The following PTPRM variants were observed in gnomAD, a reference collection of about 807,000 sequenced individuals.
The protein encoded by PTPRM is protein tyrosine phosphatase receptor type M, also known as receptor-type tyrosine-protein phosphatase mu.
A neutral mutation model predicts 186.7 loss-of-function variants in PTPRM; 47 were observed. The observed-to-expected ratio is 0.25, with a 90% CI of 0.20 to 0.32. The LOEUF (loss-of-function observed/expected upper bound fraction) is 0.32, where lower values mean the gene tolerates loss of function less well. PTPRM is among the 10% of genes least tolerant of loss of function. PTPRM has a pLI of 1.00. For missense variants in PTPRM, 1,494 were observed against 1,865.0 expected (o/e 0.80, Z 3.66); for synonymous variants, 668 against 674.9 (o/e 0.99, Z 0.16).
chr18:7,678,485 C>G (rs1392791439), intron 1 of PTPRM, among the ~76,000 whole-genome samples: 1 of 152,086 alleles, frequency 6.6e-6, no homozygotes, highest in Non-Finnish European at 1.5e-5. Context: ...CATTTTGTAC[C>G]CTTGCCTGGA....
chr18:7,750,493 G>A (rs927947042), intron 1 of PTPRM, among the ~76,000 whole-genome samples: 2 of 152,096 alleles, frequency 1.3e-5, no homozygotes, highest in South Asian at 2.1e-4. Flanking sequence ...AACATTCCTC[G>A]TATCAGTCTT....
chr18:7,614,059 T>A (rs367568725), intron 1 of PTPRM, among the ~76,000 whole-genome samples: 2 of 152,340 alleles, frequency 1.3e-5, no homozygotes, highest in South Asian at 2.1e-4. Context: ...GGTGCATACA[T>A]CACAGATAGG....
chr18:7,933,754 C>T (rs192894730), intron 5 of PTPRM, among the ~76,000 whole-genome samples: 92 of 152,300 alleles, frequency 6.0e-4, no homozygotes, highest in Non-Finnish European at 1.0e-3. Flanking sequence ...TCGTTTCTCT[C>T]TGGGATGATT....
intron 11 of PTPRM, among the ~76,000 whole-genome samples, chr18:8,098,086 C>T (rs2091099338): frequency 6.6e-6 from 1 of 152,134 alleles, no homozygotes; most frequent in South Asian, 2.1e-4. Context: ...TAGGCTCTAC[C>T]ATACAGCCTA....
chr18:8,245,771 G>T (rs1034490795), intron 15 of PTPRM, among the ~76,000 whole-genome samples: 3 of 152,096 alleles, frequency 2.0e-5, no homozygotes, highest in African/African-American at 4.8e-5. Context: ...AATTCCTCAA[G>T]AATCAATTTA....
intron 11 of PTPRM, 113 bp downstream of exon 11, chr18:8,088,964 T>A: frequency 1.3e-6 from 1 of 791,890 alleles, no homozygotes; most frequent in Non-Finnish European, 2.1e-6. Context: ...AGCATGTAAA[T>A]CCATATGTTT....
At chr18:8,367,950 G>T (rs796651158) in intron 23 of PTPRM, among the ~76,000 whole-genome samples, 15 of 152,090 alleles carry the variant, frequency 9.9e-5, no homozygotes, top group African/African-American at 3.6e-4. Context: ...ATCTTGATAA[G>T]GTGTTTTTAT....
At chr18:8,056,929 G>A (rs188358524) in intron 7 of PTPRM, among the ~76,000 whole-genome samples, 26 of 152,126 alleles carry the variant, frequency 1.7e-4, no homozygotes, top group Admixed American at 1.4e-3. Flanking sequence ...AGCACTGCTT[G>A]TAGTAGAGAA....
At chr18:8,036,928 G>A (rs368191726) in intron 7 of PTPRM, among the ~76,000 whole-genome samples, 20 of 152,242 alleles carry the variant, frequency 1.3e-4, no homozygotes, top group African/African-American at 4.6e-4. Flanking sequence ...CAGGAAAGTT[G>A]CTGTTTACTG....
chr18:8,077,788 A>G (rs2089909966), intron 9 of PTPRM, among the ~76,000 whole-genome samples: 2 of 152,204 alleles, frequency 1.3e-5, no homozygotes, highest in Non-Finnish European at 2.9e-5. Context: ...CCGTAAGTTC[A>G]CCTGTCCTAA....
At chr18:7,698,844 G>A (rs2039897633) in intron 1 of PTPRM, among the ~76,000 whole-genome samples, 1 of 152,188 alleles carries the variant, frequency 6.6e-6, no homozygotes, top group Non-Finnish European at 1.5e-5. Flanking sequence ...CTGATGACTA[G>A]TGAAGCACCT....
chr18:8,249,637 G>C (rs777060466), intron 17 of PTPRM, among the ~76,000 whole-genome samples: 2 of 152,124 alleles, frequency 1.3e-5, no homozygotes, highest in Non-Finnish European at 2.9e-5. Flanking sequence ...TGAGTGGGGA[G>C]GGCTAAAACG....
rs184173931 is a variant in PTPRM at position 8,149,416 on chromosome 18, T to C, written c.2300+5637T>C. 2.0e-5 allele frequency among the ~76,000 whole-genome samples: 3 copies of C among 152,356 alleles called. No homozygotes were observed. In the East Asian group the frequency reaches 5.8e-4, roughly 29 times the overall value. On this transcript the variant is annotated intron_variant, in intron 14 of 32. Coordinates refer to ENST00000580170, the MANE Select transcript of PTPRM (RefSeq NM_001105244.2). The stretch of plus-strand genomic sequence containing the variant: ...TTTACCATTATGTAATGCCCTTCTT[T>C]GTCTCTTTTGATCTTTGTTGGTTTA...
intron 1 of PTPRM, among the ~76,000 whole-genome samples, chr18:7,752,213 T>C (rs2041250226): frequency 6.6e-6 from 1 of 152,250 alleles, no homozygotes; most frequent in South Asian, 2.1e-4. Context: ...GCCTAAGTTA[T>C]TAAACCAAGT....
At chr18:7,934,468 G>A (rs1941535157) in intron 5 of PTPRM, among the ~76,000 whole-genome samples, 1 of 152,114 alleles carries the variant, frequency 6.6e-6, no homozygotes, top group African/African-American at 2.4e-5. Flanking sequence ...GAGAAAAGAG[G>A]GAAACCTTGA....
At chr18:8,354,040 C>A (rs1277534800) in intron 23 of PTPRM, among the ~76,000 whole-genome samples, 1 of 152,012 alleles carries the variant, frequency 6.6e-6, no homozygotes, top group Non-Finnish European at 1.5e-5. Context: ...GGTGAAACCC[C>A]ATCTCTACTA....
intron 15 of PTPRM, among the ~76,000 whole-genome samples, chr18:8,247,117 A>G (rs1008879114): frequency 1.3e-5 from 2 of 151,278 alleles, no homozygotes; most frequent in African/African-American, 2.4e-5. Context: ...GTTTTTTTTT[A>G]CTTAAAAAAA....
chr18:8,329,482 A>G (rs1268823882), intron 22 of PTPRM, among the ~76,000 whole-genome samples: 1 of 152,218 alleles, frequency 6.6e-6, no homozygotes, highest in African/African-American at 2.4e-5. Context: ...GTGAGGTTAC[A>G]TCTTTCTCTC....
chr18:7,803,105 C>T (rs576445420), intron 2 of PTPRM, among the ~76,000 whole-genome samples: 5 of 152,194 alleles, frequency 3.3e-5, no homozygotes, highest in African/African-American at 1.2e-4. Context: ...GAAGAATGTT[C>T]TAGATAAATA....
Sources: allele counts gnomAD v4.1 joint callset (sites outside exome capture counted in the v4.1 genomes callset), GRCh38; gene constraint gnomAD v4.1.1; transcripts MANE v1.5; gene names NCBI Gene and HGNC (gene_info 2026-07-23, HGNC 2026-07-21).